Variants in AP1S3 observed in about 807,000 individuals in gnomAD.
AP1S3 encodes the protein AP-1 complex subunit sigma-3.
A neutral mutation model predicts 20.9 loss-of-function variants in AP1S3; 10 were observed. That is an observed-to-expected ratio of 0.48 (90% CI 0.29 to 0.81). The LOEUF (loss-of-function observed/expected upper bound fraction) is 0.81. AP1S3 is among the 30% of genes least tolerant of loss of function. The pLI is 0.08. For missense variants in AP1S3, 154 were observed against 183.8 expected (o/e 0.84, Z 0.94); for synonymous variants, 41 against 61.5 (o/e 0.67, Z 1.56).
At chr2:223,822,537 A>T (rs1574728055) in intron 1 of AP1S3, among the ~76,000 whole-genome samples, 2 of 152,136 alleles carry the variant, frequency 1.3e-5, no homozygotes, top group African/African-American at 2.4e-5. Flanking sequence ...ATACAAAATT[A>T]GCCGGGCATG....
At chr2:223,777,650 A>T in intron 2 of AP1S3, 41 bp downstream of exon 2, 1 of 1,579,498 alleles carries the variant, frequency 6.3e-7, no homozygotes, top group South Asian at 1.2e-5. Flanking sequence ...AACAAACCAA[A>T]GTAAGACTGA....
At chr2:223,815,529 C>T (rs182189317) in intron 1 of AP1S3, among the ~76,000 whole-genome samples, 9 of 152,276 alleles carry the variant, frequency 5.9e-5, no homozygotes. Context: ...ACTAACCAAC[C>T]TAAAATGAAT....
chr2:223,828,282 T>C (rs1692180153), intron 1 of AP1S3, among the ~76,000 whole-genome samples: 2 of 149,104 alleles, frequency 1.3e-5, no homozygotes, highest in African/African-American at 4.9e-5. Flanking sequence ...CCTCACCACA[T>C]TCTCCTCTCT....
At chr2:223,780,460 T>C (rs540702310) in intron 1 of AP1S3, among the ~76,000 whole-genome samples, 7 of 143,116 alleles carry the variant, frequency 4.9e-5, no homozygotes, top group Non-Finnish European at 9.1e-5. Context: ...CTACAGAACA[T>C]GAGGTCTTCT....
At chr2:223,783,609 G>T (rs544675416) in intron 1 of AP1S3, among the ~76,000 whole-genome samples, 1 of 152,182 alleles carries the variant, frequency 6.6e-6, no homozygotes, top group Non-Finnish European at 1.5e-5. Flanking sequence ...CGCCCTGGCC[G>T]GTGTCCGCAT....
At chr2:223,829,985 G>A (rs72968368) in intron 1 of AP1S3, among the ~76,000 whole-genome samples, 3,581 of 152,228 alleles carry the variant, frequency 0.024, 64 homozygotes, top group Non-Finnish European at 0.037. Flanking sequence ...GGCCTTTTAC[G>A]GAGAAAGTTC....
At chr2:223,759,091 C>CTGGAATTA (rs1690291512) in intron 4 of AP1S3, among the ~76,000 whole-genome samples, 1 of 151,958 alleles carries the variant, frequency 6.6e-6, no homozygotes, top group Admixed American at 6.6e-5. Flanking sequence ...GCCAGCCTGG[C>CTGGAATTA]CAACATGACA....
At chr2:223,777,171 G>A (rs1690802354) in intron 2 of AP1S3, among the ~76,000 whole-genome samples, 1 of 152,132 alleles carries the variant, frequency 6.6e-6, no homozygotes, top group South Asian at 2.1e-4. Context: ...CAAGGCAGGT[G>A]GATCACCTGA....
intron 3 of AP1S3, among the ~76,000 whole-genome samples, chr2:223,769,404 T>G (rs1174840604): frequency 6.6e-6 from 1 of 152,244 alleles, no homozygotes; most frequent in South Asian, 2.1e-4. Flanking sequence ...AATTTTCGGA[T>G]GAATATTAAT....
At chr2:223,801,555 G>C (rs532328476) in intron 1 of AP1S3, among the ~76,000 whole-genome samples, 1 of 152,066 alleles carries the variant, frequency 6.6e-6, no homozygotes, top group African/African-American at 2.4e-5. Flanking sequence ...AGCAATTCTC[G>C]TGCCTCAGCC....
rs1308283221 is a variant in AP1S3, at chr2:223,798,854, C to T, written c.4-20985G>A. Among the ~76,000 whole-genome samples, 3 of 152,146 alleles carry T rather than the reference C, an allele frequency of 2.0e-5. No individual in the cohort carries two copies. In the East Asian group the frequency reaches 5.8e-4, roughly 29 times the overall value. On this transcript the variant is annotated intron_variant, in intron 1 of 4. Transcript: ENST00000396654. ...TGGGAGGCCAAGGTGGGCAGATCAC[C>T]TGAGGTCCGGAGTTTGAGACCAGCC...
In AP1S3 at chr2:223,758,298, A is replaced by C; in HGVS notation, c.*417T>G. Reference sequence around the variant, plus strand: ...ATTATTATACAATTTAGAAAACTAAACATTTAGAAAAAGTATTAATGACAT... The same window carrying C: ...ATTATTATACAATTTAGAAAACTAACCATTTAGAAAAAGTATTAATGACAT... On this transcript the variant is annotated 3_prime_UTR_variant, in exon 5 of 5. Transcript: ENST00000396654. 1 of 976,526 alleles carries C rather than the reference A, an allele frequency of 1.0e-6. No individual in the cohort carries two copies. The highest frequency in any genetic ancestry group is 4.7e-5 in the South Asian group (1 of 21,072). 60.5% of individuals were successfully genotyped at this position (976,526 alleles called of 1,614,324 possible).
intron 1 of AP1S3, among the ~76,000 whole-genome samples, chr2:223,780,353 A>AGTGT (rs1559280869): frequency 1.6e-3 from 92 of 58,550 alleles, no homozygotes; most frequent in Middle Eastern, 0.011. Flanking sequence ...AGAGAGAGAG[A>AGTGT]GAGAGTGTGT....
At chr2:223,808,251 C>T (rs980315290) in intron 1 of AP1S3, among the ~76,000 whole-genome samples, 6 of 152,096 alleles carry the variant, frequency 3.9e-5, no homozygotes, top group African/African-American at 1.2e-4. Context: ...CAACGAGAAC[C>T]CTATCCTGCT....
chr2:223,832,321 A>G (rs983745940), intron 1 of AP1S3, among the ~76,000 whole-genome samples: 2 of 151,930 alleles, frequency 1.3e-5, no homozygotes, highest in Non-Finnish European at 2.9e-5. Context: ...AAAATGCCAC[A>G]CAAAAGTTAT....
In AP1S3 at chr2:223,755,704, A is replaced by G; in HGVS notation, c.*3011T>C. 2.9e-6 allele frequency: 1 copy of G among 345,174 alleles called. No individual in the cohort carries two copies. Among genetic ancestry groups the G allele is most frequent in the East Asian group, 1.7e-4 (1 of 5,924 alleles). 21.4% of individuals were successfully genotyped at this position (345,174 alleles called of 1,614,324 possible). On this transcript the variant is annotated 3_prime_UTR_variant, in exon 5 of 5. Coordinates refer to ENST00000396654, the MANE Select transcript of AP1S3 (RefSeq NM_001039569.2). ...TGCCACCACACTTGGCTAATTTTTG[A>G]ATTTTTAGTAGAGACAGGGTTTCAC...
intron 1 of AP1S3, among the ~76,000 whole-genome samples, chr2:223,829,921 T>A (rs145232408): frequency 6.6e-6 from 1 of 151,734 alleles, no homozygotes; most frequent in South Asian, 2.1e-4. Flanking sequence ...AACAGAAGAG[T>A]TGAGGAATAC....
chr2:223,768,673 G>A (rs1422500948), intron 3 of AP1S3, among the ~76,000 whole-genome samples: 21 of 152,020 alleles, frequency 1.4e-4, no homozygotes, highest in Non-Finnish European at 1.5e-5. Context: ...TGGCCAACAT[G>A]GTGAAACCTT....
At chr2:223,793,464 A>ACG (rs1461408542) in intron 1 of AP1S3, among the ~76,000 whole-genome samples, 1 of 152,166 alleles carries the variant, frequency 6.6e-6, no homozygotes. Context: ...CAGCAAACGA[A>ACG]CGCAGAAACA....
Sources: gnomAD v4.1 joint callset for allele counts (sites outside exome capture counted in the v4.1 genomes callset) on GRCh38, gnomAD v4.1.1 for gene constraint, MANE v1.5 for transcripts, NCBI Gene and HGNC (gene_info 2026-07-23, HGNC 2026-07-21) for gene names.